Variants in SPMIP2 observed in about 807,000 individuals in gnomAD.
SPMIP2 encodes sperm microtubule inner protein 2, also known as protein SPMIP2.
the SPMIP2 span, among the ~76,000 whole-genome samples, chr4:158,897,300 A>G: frequency 2.2e-4 from 34 of 152,324 alleles, no homozygotes; most frequent in Admixed American, 1.4e-3. Flanking sequence ...TTCAGTAAAC[A>G]TACATGTGCG....
At chr4:158,946,846 G>C in the SPMIP2 span, among the ~76,000 whole-genome samples, 1 of 152,206 alleles carries the variant, frequency 6.6e-6, no homozygotes, top group Admixed American at 6.5e-5. Context: ...AGCAGGAACT[G>C]TGTCTGTCTT....
At chr4:158,904,082 T>C in the SPMIP2 span, among the ~76,000 whole-genome samples, 1 of 152,226 alleles carries the variant, frequency 6.6e-6, no homozygotes, top group Non-Finnish European at 1.5e-5. Flanking sequence ...AAAATCAGTA[T>C]GCATTTAGAA....
chr4:158,965,668 T>A, the SPMIP2 span, among the ~76,000 whole-genome samples: 15 of 145,970 alleles, frequency 1.0e-4, no homozygotes, highest in African/African-American at 2.8e-4. Context: ...AGTTTCTATT[T>A]AAAAAAAAAA....
At chr4:158,974,630 T>C in the SPMIP2 span, among the ~76,000 whole-genome samples, 3 of 152,210 alleles carry the variant, frequency 2.0e-5, no homozygotes, top group Non-Finnish European at 4.4e-5. Context: ...CTCCAAAGGA[T>C]ATGAACTCAT....
the SPMIP2 span, among the ~76,000 whole-genome samples, chr4:158,922,081 G>T: frequency 6.6e-6 from 1 of 151,996 alleles, no homozygotes; most frequent in Admixed American, 6.6e-5. Flanking sequence ...GTAGAGATGG[G>T]GTTTCACTGT....
At chr4:158,975,769 T>G in the SPMIP2 span, among the ~76,000 whole-genome samples, 2 of 152,244 alleles carry the variant, frequency 1.3e-5, no homozygotes, top group African/African-American at 4.8e-5. Flanking sequence ...TAGGATGGTC[T>G]TGGCTATGTG....
the SPMIP2 span, among the ~76,000 whole-genome samples, chr4:159,012,444 C>A: frequency 6.6e-6 from 1 of 152,172 alleles, no homozygotes; most frequent in East Asian, 1.9e-4. Context: ...TGATCTGATA[C>A]CTTCACAGCA....
the SPMIP2 span, among the ~76,000 whole-genome samples, chr4:158,986,931 A>G: frequency 4.9e-5 from 7 of 141,906 alleles, no homozygotes; most frequent in African/African-American, 1.8e-4. Context: ...AAACAAATTT[A>G]CAAGAAAAAA....
the SPMIP2 span, among the ~76,000 whole-genome samples, chr4:158,935,796 C>G: frequency 1.3e-5 from 2 of 152,170 alleles, no homozygotes; most frequent in Non-Finnish European, 2.9e-5. Flanking sequence ...CTGTGCCTTA[C>G]TTATATAATG....
the SPMIP2 span, among the ~76,000 whole-genome samples, chr4:159,028,486 C>T: frequency 6.6e-6 from 1 of 152,116 alleles, no homozygotes; most frequent in African/African-American, 2.4e-5. Context: ...TGCACCACCA[C>T]ACTCGGCTGA....
chr4:159,038,280 G>A, the SPMIP2 span, among the ~76,000 whole-genome samples: 22 of 152,196 alleles, frequency 1.4e-4, no homozygotes, highest in East Asian at 3.5e-3. Context: ...TGAGAATGCC[G>A]ATTTTTATAC....
At chr4:159,067,605 A>G in the SPMIP2 span, among the ~76,000 whole-genome samples, 4 of 152,200 alleles carry the variant, frequency 2.6e-5, no homozygotes, top group African/African-American at 4.8e-5. Context: ...GAAAAAGAAG[A>G]CTTCATGTCT....
chr4:159,002,870 A>G, the SPMIP2 span, among the ~76,000 whole-genome samples: 1 of 152,156 alleles, frequency 6.6e-6, no homozygotes, highest in Non-Finnish European at 1.5e-5. Context: ...TTTGAAAGGC[A>G]GTGCTATGAT....
At chr4:158,982,006 G>C in the SPMIP2 span, among the ~76,000 whole-genome samples, 21 of 152,086 alleles carry the variant, frequency 1.4e-4, no homozygotes, top group Admixed American at 6.6e-4. Context: ...GACACAAATA[G>C]GCTCAAAATA....
the SPMIP2 span, among the ~76,000 whole-genome samples, chr4:159,050,771 G>A: frequency 6.6e-6 from 1 of 151,008 alleles, no homozygotes; most frequent in Non-Finnish European, 1.5e-5. Context: ...ATGCTAACTT[G>A]GGTGACAGAG....
the SPMIP2 span, among the ~76,000 whole-genome samples, chr4:158,954,692 CA>C: frequency 6.6e-6 from 1 of 152,174 alleles, no homozygotes; most frequent in South Asian, 2.1e-4. Context: ...GACTCAGAAA[CA>C]TCTAGAACAA....
the SPMIP2 span, among the ~76,000 whole-genome samples, chr4:159,046,821 C>A: frequency 6.6e-6 from 1 of 152,372 alleles, no homozygotes; most frequent in East Asian, 1.9e-4. Flanking sequence ...GATCCACCCA[C>A]CTTGGCCTCC....
the SPMIP2 span, among the ~76,000 whole-genome samples, chr4:158,922,735 G>T: frequency 1.2e-4 from 19 of 152,108 alleles, no homozygotes; most frequent in African/African-American, 3.9e-4. Context: ...ATACTTTATA[G>T]TAACACTCAG....
the SPMIP2 span, among the ~76,000 whole-genome samples, chr4:159,040,198 G>C: frequency 6.6e-6 from 1 of 152,124 alleles, no homozygotes; most frequent in African/African-American, 2.4e-5. Context: ...TTGGGACGGA[G>C]TCTCGCTCTG....
Sources: allele counts gnomAD v4.1 joint callset (sites outside exome capture counted in the v4.1 genomes callset), GRCh38; gene constraint gnomAD v4.1.1; transcripts MANE v1.5; gene names NCBI Gene and HGNC (gene_info 2026-07-23, HGNC 2026-07-21).